Variants in PRKN observed in about 807,000 individuals in gnomAD.
PRKN encodes E3 ubiquitin-protein ligase parkin.
Under a neutral mutation model 59.5 loss-of-function variants are expected in PRKN, and 56 were observed. The ratio of observed to expected loss-of-function variants is 0.94; its 90% CI spans 0.76 to 1.18. PRKN has a LOEUF of 1.18. Ranked by LOEUF, PRKN falls within the 50% of genes most tolerant of loss-of-function variation. The probability of loss-of-function intolerance (pLI) is 0.00; values close to 1 mark genes in which losing one functional copy is unlikely to be tolerated. For missense variants in PRKN, 657 were observed against 596.4 expected (o/e 1.10, Z -1.06); for synonymous variants, 250 against 222.1 (o/e 1.13, Z -1.12).
At chr6:162,365,067 C>T (rs1373682387) in intron 2 of PRKN, among the ~76,000 whole-genome samples, 3 of 143,420 alleles carry the variant, frequency 2.1e-5, no homozygotes, top group Non-Finnish European at 4.5e-5. Flanking sequence ...ATATACTTTA[C>T]TAAGCATTTT....
At chr6:162,095,107 TTCAGGGGAAGGC>T (rs1436530766) in intron 4 of PRKN, among the ~76,000 whole-genome samples, 1 of 152,174 alleles carries the variant, frequency 6.6e-6, no homozygotes, top group Non-Finnish European at 1.5e-5. Context: ...CTACTGGGTC[TTCAGGGGAAGGC>T]TTTTCGACAA....
chr6:161,428,210 G>C lies in PRKN; in HGVS notation c.1084-41333C>G, dbSNP rs898639443. On this transcript the variant is annotated intron_variant, in intron 9 of 11. Coordinates refer to ENST00000366898, the MANE Select transcript of PRKN (RefSeq NM_004562.3). This position sits in a 1 kb window ranked among gnomAD's most constrained non-coding sequence, Gnocchi z 4.0. ...AACTTCTTTCTTCTACTCACATTCT[G>C]AATGAAATACATTAATAACTGGCTT... Among the ~76,000 whole-genome samples, 9 of 152,178 alleles carry C rather than the reference G, an allele frequency of 5.9e-5. No individual in the cohort carries two copies. Among genetic ancestry groups the C allele is most frequent in the African/African-American group, 2.2e-4 (9 of 41,434 alleles).
At chr6:161,927,119 C>G (rs1778998216) in intron 6 of PRKN, among the ~76,000 whole-genome samples, 1 of 152,110 alleles carries the variant, frequency 6.6e-6, no homozygotes, top group African/African-American at 2.4e-5. Context: ...TACACATACA[C>G]ATGGGAGTTG....
At chr6:161,532,186 A>G (rs1218954741) in intron 9 of PRKN, among the ~76,000 whole-genome samples, 2 of 134,470 alleles carry the variant, frequency 1.5e-5, no homozygotes, top group South Asian at 2.5e-4. Context: ...ATATATATAT[A>G]TATATAATCT....
intron 1 of PRKN, among the ~76,000 whole-genome samples, chr6:162,509,703 G>T (rs546535241): frequency 6.6e-6 from 1 of 152,158 alleles, no homozygotes; most frequent in Non-Finnish European, 1.5e-5. Flanking sequence ...TATCCCCAGA[G>T]CAGTATTTTA....
intron 1 of PRKN, among the ~76,000 whole-genome samples, chr6:162,504,517 T>C (rs1198050590): frequency 6.6e-6 from 1 of 152,140 alleles, no homozygotes; most frequent in African/African-American, 2.4e-5. Flanking sequence ...TACATAGATA[T>C]GACATCTTGG....
At chr6:162,193,158 T>C (rs1784354446) in intron 4 of PRKN, among the ~76,000 whole-genome samples, 1 of 152,188 alleles carries the variant, frequency 6.6e-6, no homozygotes, top group Admixed American at 6.5e-5. Flanking sequence ...TTACCAACAT[T>C]GACCCACATT....
chr6:161,684,471 T>C (rs957839241), intron 7 of PRKN, among the ~76,000 whole-genome samples: 22 of 152,134 alleles, frequency 1.4e-4, no homozygotes, highest in Non-Finnish European at 3.2e-4. Context: ...CCCAATTGAC[T>C]AAGAAATTTA....
intron 4 of PRKN, among the ~76,000 whole-genome samples, chr6:162,125,644 T>C (rs759578094): frequency 2.0e-5 from 3 of 152,134 alleles, no homozygotes; most frequent in African/African-American, 4.8e-5. Flanking sequence ...CACAAACAAA[T>C]AGTCACTGTG....
At position 162,436,585 on chromosome 6, in the gene PRKN, C is replaced by T. The variant is rs143647910; in HGVS notation, c.171+6725G>A. ...TTGGCCTCCCAAAGTGCTGGGATTA[C>T]GGGCATGAGCCACTGTGCCCGATCT... On this transcript the variant is annotated intron_variant, in intron 2 of 11. Coordinates refer to ENST00000366898, the MANE Select transcript of PRKN (RefSeq NM_004562.3). Among the ~76,000 whole-genome samples the T allele has an allele frequency of 3.6e-4, 54 of 150,634 alleles. 2 individuals are homozygous for T. The East Asian group carries it at 1.0e-2, about 28-fold the overall frequency.
intron 1 of PRKN, among the ~76,000 whole-genome samples, chr6:162,489,979 A>G (rs144974793): frequency 2.6e-5 from 4 of 152,310 alleles, no homozygotes; most frequent in African/African-American, 9.6e-5. Flanking sequence ...TGCTGGCATG[A>G]GGTCAGATGC....
At chr6:161,675,666 C>T (rs1785060536) in intron 7 of PRKN, among the ~76,000 whole-genome samples, 1 of 152,120 alleles carries the variant, frequency 6.6e-6, no homozygotes, top group African/African-American at 2.4e-5. Flanking sequence ...TCTTTTTCTC[C>T]TCATTATATT....
intron 1 of PRKN, among the ~76,000 whole-genome samples, chr6:162,520,389 T>G (rs1778037889): frequency 6.6e-6 from 1 of 152,178 alleles, no homozygotes; most frequent in Admixed American, 6.5e-5. Flanking sequence ...TGAGATGAAT[T>G]CAGGGAAACA....
At chr6:162,278,604 A>C (rs1213925418) in intron 2 of PRKN, among the ~76,000 whole-genome samples, 1 of 152,106 alleles carries the variant, frequency 6.6e-6, no homozygotes, top group Admixed American at 6.6e-5. Flanking sequence ...AAAATAAATA[A>C]ATAAAGGCTT....
At chr6:162,237,008 C>T (rs932407374) in intron 3 of PRKN, among the ~76,000 whole-genome samples, 1 of 152,180 alleles carries the variant, frequency 6.6e-6, no homozygotes, top group African/African-American at 2.4e-5. Flanking sequence ...GAGCATTCTT[C>T]TATTGCACCC....
chr6:162,081,310 T>A (rs1181850801), intron 4 of PRKN, among the ~76,000 whole-genome samples: 2 of 152,100 alleles, frequency 1.3e-5, no homozygotes, highest in African/African-American at 4.8e-5. Context: ...TCTTTAGTGA[T>A]CTATGAGAGC....
chr6:162,361,062 A>C (rs773818568), intron 2 of PRKN, among the ~76,000 whole-genome samples: 4 of 152,206 alleles, frequency 2.6e-5, no homozygotes, highest in Non-Finnish European at 5.9e-5. Flanking sequence ...CATCCCATCC[A>C]GTGCCTTTGA....
At chr6:162,249,078 C>T (rs1779319780) in intron 3 of PRKN, among the ~76,000 whole-genome samples, 2 of 152,040 alleles carry the variant, frequency 1.3e-5, no homozygotes, top group Non-Finnish European at 2.9e-5. Flanking sequence ...CGAGGTTTCA[C>T]CATGTTGGCC....
intron 2 of PRKN, among the ~76,000 whole-genome samples, chr6:162,430,594 T>A (rs1432484697): frequency 6.6e-6 from 1 of 151,928 alleles, no homozygotes; most frequent in Non-Finnish European, 1.5e-5. Context: ...CATATATATA[T>A]ATATATCTTG....
Sources: gnomAD v4.1 joint callset for allele counts (sites outside exome capture counted in the v4.1 genomes callset) on GRCh38, gnomAD v4.1.1 for gene constraint, Gnocchi (gnomAD v3.1) non-coding constraint, MANE v1.5 for transcripts, NCBI Gene and HGNC (gene_info 2026-07-23, HGNC 2026-07-21) for gene names.